The following MYLK variants were observed in gnomAD, a reference collection of about 807,000 sequenced individuals.
MYLK encodes the protein myosin light chain kinase.
MYLK carries 106 observed loss-of-function variants against 203.4 expected under a neutral mutation model. The ratio of observed to expected loss-of-function variants is 0.52; its 90% CI spans 0.45 to 0.61. The LOEUF is 0.61. Among genes scored for constraint, MYLK ranks in the 20% least tolerant of loss-of-function variants. MYLK has a pLI of 0.00. For missense variants in MYLK, 2,072 were observed against 2,442.3 expected, an observed-to-expected ratio of 0.85 and a Z score of 3.20; for synonymous variants, 867 against 959.5, an observed-to-expected ratio of 0.90 and a Z score of 1.78.
At chr3:123,825,673 C>T (rs2066091465) in intron 3 of MYLK, among the ~76,000 whole-genome samples, 1 of 152,184 alleles carries the variant, frequency 6.6e-6, no homozygotes, top group Non-Finnish European at 1.5e-5. Flanking sequence ...GCTCTGGGGG[C>T]CAGTAAGTAC....
rs62264576 is a variant in MYLK, at chr3:123,672,238, C to T, written c.3653-5051G>A. ...AGAGAGAGAGAGAGAGAGAAAGGAG[C>T]GAGAGAGAAAGAGGGAGGAAGGGAG... On this transcript the variant is annotated intron_variant, in intron 20 of 33. Transcript: ENST00000360304. Among the ~76,000 whole-genome samples the T allele has an allele frequency of 6.5e-3, 961 of 147,180 alleles. 9 individuals carry two copies. Among genetic ancestry groups the T allele is most frequent in the African/African-American group, 0.023 (906 of 39,558 alleles).
chr3:123,719,279 C>T (rs776705711), intron 13 of MYLK, among the ~76,000 whole-genome samples: 6 of 152,122 alleles, frequency 3.9e-5, no homozygotes, highest in Non-Finnish European at 8.8e-5. Context: ...TGGAGGGACA[C>T]GCGTTGCTGC....
At chr3:123,856,010 C>A (rs1372617526) in intron 2 of MYLK, among the ~76,000 whole-genome samples, 1 of 152,182 alleles carries the variant, frequency 6.6e-6, no homozygotes, top group South Asian at 2.1e-4. Context: ...ACAGTGAATA[C>A]TGCAATTTGT....
Position 123,708,706 on chromosome 3 carries a change from G to C in MYLK, c.2132C>G (p.Thr711Arg). 2 of 1,614,014 alleles carry C rather than the reference G, an allele frequency of 1.2e-6. No homozygotes were observed. The highest frequency in any genetic ancestry group is 1.7e-6 in the Non-Finnish European group (2 of 1,180,012). Residue 711 changes from threonine to arginine, a missense_variant, in exon 15 of 34, where the codon ACG becomes AGG. Physicochemically the swap from Thr to Arg is moderately conservative, Grantham distance 71. Coordinates refer to ENST00000360304, the MANE Select transcript of MYLK (RefSeq NM_053025.4). ...GAGTGGGTCAGCCTCACCTTGTACC[G>C]TGAGCACGGCCTGGGTGCGGACCTC... ...AGEVRTQAVL[T>R]VQEPHDGTQP...
intron 19 of MYLK, among the ~76,000 whole-genome samples, chr3:123,683,043 C>G (rs1450404462): frequency 7.1e-5 from 1 of 14,038 alleles, no homozygotes; most frequent in African/African-American, 8.0e-5. Flanking sequence ...GGCGACATCA[C>G]TTGGCTGGGC....
intron 27 of MYLK, chr3:123,646,813 C>T (rs820474): frequency 0.027 from 5,892 of 215,762 alleles, 114 homozygotes; most frequent in Middle Eastern, 0.069. Flanking sequence ...CAGCCAGGGG[C>T]CCCCTTATCT....
At chr3:123,778,286 C>T (rs537858337) in intron 4 of MYLK, among the ~76,000 whole-genome samples, 3 of 152,078 alleles carry the variant, frequency 2.0e-5, no homozygotes, top group South Asian at 4.2e-4. Flanking sequence ...GGGGATTCCT[C>T]GGGAGGGTGA....
chr3:123,692,925 G>A (rs1560081689), intron 18 of MYLK, 74 bp from the exon 19 acceptor site: 10 of 1,319,298 alleles, frequency 7.6e-6, no homozygotes, highest in East Asian at 4.6e-5. Context: ...CGCAGCAGGT[G>A]AGTGTTACTC....
intron 31 of MYLK, chr3:123,620,617 T>TA (rs2057803999): frequency 8.3e-7 from 1 of 1,210,922 alleles, no homozygotes; most frequent in Non-Finnish European, 1.0e-6. Flanking sequence ...ACCCTTTTCA[T>TA]ACAGTGCTTC....
chr3:123,670,289 TAAG>T (rs2059874858), intron 20 of MYLK, among the ~76,000 whole-genome samples: 1 of 151,982 alleles, frequency 6.6e-6, no homozygotes, highest in African/African-American at 2.4e-5. Context: ...AGACAGGATG[TAAG>T]ATGGACCTGA....
At chr3:123,859,059 T>A (rs1442682930) in intron 2 of MYLK, among the ~76,000 whole-genome samples, 1 of 152,230 alleles carries the variant, frequency 6.6e-6, no homozygotes, top group Admixed American at 6.5e-5. Context: ...CTGTGAAAGT[T>A]AAATGATAGA....
intron 12 of MYLK, among the ~76,000 whole-genome samples, chr3:123,725,296 C>T (rs78725715): frequency 6.6e-6 from 1 of 152,316 alleles, no homozygotes; most frequent in Admixed American, 6.5e-5. Flanking sequence ...ATGGACAGTT[C>T]TCAGTCTTCT....
At chr3:123,732,294 C>T (rs999589692) in intron 11 of MYLK, among the ~76,000 whole-genome samples, 10 of 152,010 alleles carry the variant, frequency 6.6e-5, no homozygotes, top group African/African-American at 2.2e-4. Context: ...CCATTTCATG[C>T]AATATTATAT....
intron 31 of MYLK, chr3:123,620,742 T>A: frequency 1.7e-6 from 1 of 600,682 alleles, no homozygotes; most frequent in Non-Finnish European, 2.2e-6. Context: ...GCCAGTGATG[T>A]GATTATAATT....
chr3:123,697,907 C>T (rs1051606965), intron 18 of MYLK, among the ~76,000 whole-genome samples: 5 of 152,076 alleles, frequency 3.3e-5, no homozygotes, highest in African/African-American at 1.2e-4. Flanking sequence ...GGGACGGTTT[C>T]CATGGGAAGG....
intron 20 of MYLK, among the ~76,000 whole-genome samples, chr3:123,671,302 T>G (rs1015482659): frequency 6.6e-6 from 1 of 152,208 alleles, no homozygotes; most frequent in Admixed American, 6.5e-5. Context: ...AAGTGAAAGA[T>G]TCCAGAATTA....
chr3:123,856,151 A>T (rs2031349751), intron 2 of MYLK, among the ~76,000 whole-genome samples: 1 of 152,226 alleles, frequency 6.6e-6, no homozygotes, highest in South Asian at 2.1e-4. Flanking sequence ...GACAACACCT[A>T]GTTTGGAATC....
At chr3:123,687,745 C>A (rs776715809) in intron 19 of MYLK, among the ~76,000 whole-genome samples, 1 of 151,940 alleles carries the variant, frequency 6.6e-6, no homozygotes, top group Non-Finnish European at 1.5e-5. Flanking sequence ...AATCTTGGCT[C>A]ACTGTAGCCT....
intron 31 of MYLK, chr3:123,623,960 CT>C (rs1348283461): frequency 6.6e-6 from 1 of 152,128 alleles, no homozygotes; most frequent in African/African-American, 2.4e-5. Flanking sequence ...GGTTCATTCT[CT>C]GAATTCTACC....
Sources: gnomAD v4.1 joint callset for allele counts (sites outside exome capture counted in the v4.1 genomes callset) on GRCh38, gnomAD v4.1.1 for gene constraint, MANE v1.5 for transcripts, NCBI Gene and HGNC (gene_info 2026-07-23, HGNC 2026-07-21) for gene names.